The following CD2AP variants were observed in gnomAD, a reference collection of about 807,000 sequenced individuals.
CD2AP encodes the protein CD2 associated protein.
A neutral mutation model predicts 85.1 loss-of-function variants in CD2AP; 46 were observed. That is an observed-to-expected ratio of 0.54 (90% CI 0.43 to 0.69). The LOEUF (loss-of-function observed/expected upper bound fraction) is 0.69, where lower values mean the gene tolerates loss of function less well. Among genes scored for constraint, CD2AP ranks in the 30% least tolerant of loss-of-function variants. CD2AP has a pLI of 0.00. For synonymous variants in CD2AP, 255 were observed against 252.9 expected, an observed-to-expected ratio of 1.01 and a Z score of -0.08; for missense variants, 769 against 729.5, an observed-to-expected ratio of 1.05 and a Z score of -0.62.
At chr6:47,572,167 G>C (rs1189833919) in intron 5 of CD2AP, among the ~76,000 whole-genome samples, 1 of 152,122 alleles carries the variant, frequency 6.6e-6, no homozygotes, top group Admixed American at 6.5e-5. Flanking sequence ...CTGTTGTAAA[G>C]GATTACTGTA....
intron 17 of CD2AP, among the ~76,000 whole-genome samples, chr6:47,620,973 A>AT (rs1187328105): frequency 6.6e-6 from 1 of 152,124 alleles, no homozygotes; most frequent in Admixed American, 6.5e-5. Context: ...AAGGTAAATG[A>AT]TTGTATCGTC....
chr6:47,546,353 T>C lies in CD2AP; in HGVS notation c.420+1647T>C, dbSNP rs114062764. Among the ~76,000 whole-genome samples, 773 of 152,206 alleles carry C rather than the reference T, an allele frequency of 5.1e-3. 2 individuals carry two copies. The highest frequency in any genetic ancestry group is 0.014 in the Middle Eastern group (4 of 294). ...CAAGCCCCCAAGAAGTCTGGGATTATGTTAAACGACCAAACGTAAGAATAG... is the reference window on the plus strand; with the variant it reads ...CAAGCCCCCAAGAAGTCTGGGATTACGTTAAACGACCAAACGTAAGAATAG... On this transcript the variant is annotated intron_variant, in intron 4 of 17. Coordinates refer to ENST00000359314, the MANE Select transcript of CD2AP (RefSeq NM_012120.3).
intron 1 of CD2AP, among the ~76,000 whole-genome samples, chr6:47,482,945 T>C (rs1389535525): frequency 6.6e-6 from 1 of 152,184 alleles, no homozygotes; most frequent in East Asian, 1.9e-4. Flanking sequence ...GTATAATGAT[T>C]ATTCATTTGG....
At chr6:47,528,307 TGGG>T (rs1278136458) in intron 2 of CD2AP, among the ~76,000 whole-genome samples, 1 of 152,152 alleles carries the variant, frequency 6.6e-6, no homozygotes, top group East Asian at 1.9e-4. Flanking sequence ...CCCAAGGAGC[TGGG>T]GTTACAGGAG....
chr6:47,546,644 G>C (rs1239710758), intron 4 of CD2AP, among the ~76,000 whole-genome samples: 1 of 151,990 alleles, frequency 6.6e-6, no homozygotes, highest in Non-Finnish European at 1.5e-5. Flanking sequence ...GGCCTTGCCA[G>C]AGACCTAGAC....
chr6:47,600,234 T>A (rs1769093729), intron 13 of CD2AP, among the ~76,000 whole-genome samples: 1 of 151,932 alleles, frequency 6.6e-6, no homozygotes. Context: ...TACAGACACA[T>A]TAAATAAGCA....
chr6:47,525,808 T>TGA (rs1430622326), intron 2 of CD2AP, among the ~76,000 whole-genome samples: 2 of 152,164 alleles, frequency 1.3e-5, no homozygotes, highest in Non-Finnish European at 2.9e-5. Flanking sequence ...AGCACATTCT[T>TGA]ATCTATATGG....
intron 1 of CD2AP, among the ~76,000 whole-genome samples, chr6:47,490,552 A>G (rs1245286607): frequency 1.3e-5 from 2 of 152,126 alleles, no homozygotes; most frequent in Admixed American, 6.5e-5. Flanking sequence ...TTTTGTTTTT[A>G]AGATTTATTA....
Position 47,608,026 on chromosome 6 carries a change from A to G in CD2AP, c.1630A>G (p.Lys544Glu), listed in dbSNP as rs1177475053. Residue 544 changes from lysine to glutamate, a missense_variant and splice_region_variant, in exon 15 of 18, where the codon AAG becomes GAG. Coordinates refer to ENST00000359314, the MANE Select transcript of CD2AP (RefSeq NM_012120.3). The part of the protein sequence containing the change: ...ELKKDTCYSP[K>E]PSVYLSTPSS... ...AAAAAAAGATACATGCTACTCTCCA[A>G]AGGTGAGGTGCATTGTGGTCTAAGG... 1.9e-6 allele frequency: 3 copies of G among 1,597,646 alleles called. No homozygotes were observed. Among genetic ancestry groups the G allele is most frequent in the African/African-American group, 1.3e-5 (1 of 74,634 alleles).
intron 1 of CD2AP, among the ~76,000 whole-genome samples, chr6:47,496,272 ATT>A (rs762737431): frequency 6.6e-6 from 1 of 152,046 alleles, no homozygotes; most frequent in Non-Finnish European, 1.5e-5. Context: ...CTTTCCACAC[ATT>A]TAAGATACTA....
chr6:47,605,146 G>A (rs1448170588), intron 13 of CD2AP, among the ~76,000 whole-genome samples: 1 of 152,016 alleles, frequency 6.6e-6, no homozygotes, highest in Non-Finnish European at 1.5e-5. Context: ...AGATGGTAAT[G>A]TGAAGAATTA....
chr6:47,593,802 C>T (rs776946658), intron 11 of CD2AP, among the ~76,000 whole-genome samples: 31 of 152,018 alleles, frequency 2.0e-4, no homozygotes, highest in Non-Finnish European at 4.4e-4. Flanking sequence ...CAGTTCCAAA[C>T]GTCCAAGAGA....
At chr6:47,510,163 A>G (rs1032389488) in intron 2 of CD2AP, among the ~76,000 whole-genome samples, 3 of 152,244 alleles carry the variant, frequency 2.0e-5, no homozygotes, top group African/African-American at 7.2e-5. Context: ...AGTCAGAGAC[A>G]GCAGTATGAA....
intron 3 of CD2AP, among the ~76,000 whole-genome samples, chr6:47,539,377 T>C (rs1767144220): frequency 6.6e-6 from 1 of 152,114 alleles, no homozygotes. Context: ...CACATGGAGA[T>C]TGGGAGAATA....
intron 2 of CD2AP, among the ~76,000 whole-genome samples, chr6:47,506,878 G>C (rs1478282309): frequency 6.6e-6 from 1 of 151,914 alleles, no homozygotes; most frequent in Non-Finnish European, 1.5e-5. Context: ...TCTAAGATGA[G>C]ACAACAATGA....
chr6:47,546,204 G>T (rs1767360626), intron 4 of CD2AP, among the ~76,000 whole-genome samples: 2 of 152,004 alleles, frequency 1.3e-5, no homozygotes, highest in African/African-American at 4.8e-5. Flanking sequence ...TTACAGAAAT[G>T]CAAAATGCTG....
chr6:47,618,292 C>T (rs1769651987), intron 17 of CD2AP, among the ~76,000 whole-genome samples: 1 of 152,238 alleles, frequency 6.6e-6, no homozygotes, highest in African/African-American at 2.4e-5. Context: ...TGCACTCCAG[C>T]CTGGGTGACA....
intron 11 of CD2AP, among the ~76,000 whole-genome samples, chr6:47,592,415 A>C (rs1768827436): frequency 6.6e-6 from 1 of 152,210 alleles, no homozygotes; most frequent in Non-Finnish European, 1.5e-5. Context: ...GTAAATCTTC[A>C]TGGCCTTGGA....
chr6:47,527,242 G>T (rs1257907484), intron 2 of CD2AP, among the ~76,000 whole-genome samples: 3 of 152,198 alleles, frequency 2.0e-5, no homozygotes, highest in Admixed American at 2.0e-4. Context: ...GTGAAGGTGT[G>T]CTCCTACACT....
Sources: allele counts gnomAD v4.1 joint callset (sites outside exome capture counted in the v4.1 genomes callset), GRCh38; gene constraint gnomAD v4.1.1; transcripts MANE v1.5; gene names NCBI Gene and HGNC (gene_info 2026-07-23, HGNC 2026-07-21).